GALNTL6: variants seen among roughly 807,000 people sequenced by gnomAD.
The protein encoded by GALNTL6 is polypeptide N-acetylgalactosaminyltransferase-like 6.
Under a neutral mutation model 73.7 loss-of-function variants are expected in GALNTL6, and 46 were observed. That is an observed-to-expected ratio of 0.62 (90% CI 0.49 to 0.80). GALNTL6 has a LOEUF of 0.80. GALNTL6 is among the 30% of genes least tolerant of loss of function. The pLI is 0.00. For synonymous variants in GALNTL6, 259 were observed against 263.7 expected, an observed-to-expected ratio of 0.98 and a Z score of 0.17; for missense variants, 604 against 755.0, an observed-to-expected ratio of 0.80 and a Z score of 2.34.
In GALNTL6 at chr4:171,989,114, A is replaced by G. The variant is rs563272048; in HGVS notation, c.138+174396A>G. Among the ~76,000 whole-genome samples the G allele has an allele frequency of 7.2e-5, 11 of 152,262 alleles. No individual in the cohort carries two copies. In the South Asian group the frequency reaches 8.3e-4, roughly 11 times the overall value. On this transcript the variant is annotated intron_variant, in intron 2 of 12. Transcript: ENST00000506823. The stretch of plus-strand genomic sequence containing the variant: ...TAAGAGGTTTAGAAGCCTGGCCGTC[A>G]ATAGCACAACAGTTATGGAAGCAAG...
At chr4:172,384,013 T>C (rs1743377517) in intron 5 of GALNTL6, among the ~76,000 whole-genome samples, 1 of 152,142 alleles carries the variant, frequency 6.6e-6, no homozygotes, top group African/African-American at 2.4e-5. Flanking sequence ...GGTTTGTTAG[T>C]ATTTTGTTGA....
chr4:172,624,926 T>C lies in GALNTL6; in HGVS notation c.554-184435T>C, dbSNP rs1283587336. On this transcript the variant is annotated intron_variant, in intron 5 of 12. Transcript: ENST00000506823. ...GATCCTGTCACCCAGGTAGTGAGCATAGTATCCAGTAGTAAGTTTTTCAAC... is the reference window on the plus strand; with the variant it reads ...GATCCTGTCACCCAGGTAGTGAGCACAGTATCCAGTAGTAAGTTTTTCAAC... 4.6e-5 allele frequency among the ~76,000 whole-genome samples: 7 copies of C among 151,926 alleles called. No individual in the cohort carries two copies. In the East Asian group the frequency reaches 1.4e-3, roughly 29 times the overall value.
At chr4:172,380,247 C>T (rs1384879590) in intron 5 of GALNTL6, 22 of 890,394 alleles carry the variant, frequency 2.5e-5, no homozygotes, top group Admixed American at 5.2e-5. Flanking sequence ...CCCAACTTGT[C>T]TACATTAGGA....
chr4:172,138,475 G>T (rs1320791805), intron 2 of GALNTL6, among the ~76,000 whole-genome samples: 5 of 30,022 alleles, frequency 1.7e-4, no homozygotes, highest in African/African-American at 5.1e-4. Flanking sequence ...TACTTGGACT[G>T]CCTATATATA....
chr4:172,018,397 G>A (rs1741276994), intron 2 of GALNTL6, among the ~76,000 whole-genome samples: 1 of 152,068 alleles, frequency 6.6e-6, no homozygotes, highest in Non-Finnish European at 1.5e-5. Context: ...CCACTGTAGG[G>A]GTTTAGGGAG....
At chr4:172,716,616 T>C (rs747890200) in intron 5 of GALNTL6, among the ~76,000 whole-genome samples, 1 of 152,262 alleles carries the variant, frequency 6.6e-6, no homozygotes, top group East Asian at 1.9e-4. Context: ...CCACTTTACA[T>C]TGTCACAGAG....
At chr4:172,870,147 G>C (rs1376999855) in intron 7 of GALNTL6, among the ~76,000 whole-genome samples, 1 of 151,886 alleles carries the variant, frequency 6.6e-6, no homozygotes, top group Non-Finnish European at 1.5e-5. Context: ...TTTTCCCTGG[G>C]AACCACAAGA....
At chr4:172,763,316 A>G (rs888903149) in intron 5 of GALNTL6, among the ~76,000 whole-genome samples, 1 of 152,212 alleles carries the variant, frequency 6.6e-6, no homozygotes, top group African/African-American at 2.4e-5. Flanking sequence ...ATTCAGCTAT[A>G]CCTGGCATTT....
At chr4:172,187,792 A>G (rs2110870899) in intron 2 of GALNTL6, among the ~76,000 whole-genome samples, 1 of 152,288 alleles carries the variant, frequency 6.6e-6, no homozygotes, top group East Asian at 1.9e-4. Flanking sequence ...CTTAAAATTT[A>G]GGAGACAAAT....
At chr4:172,008,595 G>A (rs1244633407) in intron 2 of GALNTL6, among the ~76,000 whole-genome samples, 1 of 151,994 alleles carries the variant, frequency 6.6e-6, no homozygotes, top group Non-Finnish European at 1.5e-5. Flanking sequence ...AGAGAAATAG[G>A]GGAGAATCGT....
At chr4:172,950,749 G>C (rs1027271766) in intron 9 of GALNTL6, among the ~76,000 whole-genome samples, 3 of 152,156 alleles carry the variant, frequency 2.0e-5, no homozygotes, top group Admixed American at 1.3e-4. Flanking sequence ...TTTTACTTTA[G>C]TCACCTATGT....
At chr4:172,727,254 A>G (rs1010769534) in intron 5 of GALNTL6, among the ~76,000 whole-genome samples, 22 of 152,208 alleles carry the variant, frequency 1.4e-4, no homozygotes, top group African/African-American at 5.1e-4. Flanking sequence ...GTCATCCAGA[A>G]GTCTTACCTC....
intron 5 of GALNTL6, among the ~76,000 whole-genome samples, chr4:172,383,464 A>G (rs1318396959): frequency 1.3e-5 from 2 of 152,150 alleles, no homozygotes; most frequent in Non-Finnish European, 2.9e-5. Context: ...TGAATTCTGC[A>G]ATCTTGCTGG....
intron 11 of GALNTL6, among the ~76,000 whole-genome samples, chr4:173,009,831 G>T (rs1338037964): frequency 6.6e-6 from 1 of 152,142 alleles, no homozygotes; most frequent in East Asian, 1.9e-4. Context: ...TTAAGGCTAT[G>T]TATTGCTTTT....
rs539116756 is a variant in GALNTL6 at position 171,921,979 on chromosome 4, T to A, written c.138+107261T>A. Among the ~76,000 whole-genome samples, 33 of 152,216 alleles carry A rather than the reference T, an allele frequency of 2.2e-4. No individual in the cohort carries two copies. The South Asian group carries it at 6.8e-3, about 32-fold the overall frequency. ...CTGGGTTAAAATTCTGCATCATTTT[T>A]ATGGTTGTCCAAAAGCTTCTAATTT... On this transcript the variant is annotated intron_variant, in intron 2 of 12. Coordinates refer to ENST00000506823, the MANE Select transcript of GALNTL6 (RefSeq NM_001034845.3).
In GALNTL6 at chr4:172,742,898, G is replaced by T. The variant is rs907755654; in HGVS notation, c.554-66463G>T. Among the ~76,000 whole-genome samples, 24 of 152,100 alleles carry T rather than the reference G, an allele frequency of 1.6e-4. 1 individual carries two copies. The highest frequency in any genetic ancestry group is 1.3e-3 in the Admixed American group (20 of 15,242). ...AGGTAAGAACCAGTACGAGCTCGGG[G>T]TCACCTCCTTACACAGTTTACTGCT... On this transcript the variant is annotated intron_variant, in intron 5 of 12. Coordinates refer to ENST00000506823, the MANE Select transcript of GALNTL6 (RefSeq NM_001034845.3).
intron 8 of GALNTL6, among the ~76,000 whole-genome samples, chr4:172,924,326 C>G (rs947154942): frequency 6.6e-6 from 1 of 152,166 alleles, no homozygotes; most frequent in Non-Finnish European, 1.5e-5. Flanking sequence ...TGAGGATTCC[C>G]GCACTTCCGG....
intron 2 of GALNTL6, among the ~76,000 whole-genome samples, chr4:171,894,135 G>A (rs1208854556): frequency 6.6e-6 from 1 of 152,156 alleles, no homozygotes; most frequent in African/African-American, 2.4e-5. Flanking sequence ...CTGTCACTAA[G>A]AATTGTTCAT....
intron 2 of GALNTL6, among the ~76,000 whole-genome samples, chr4:171,959,781 G>T (rs935198968): frequency 6.6e-6 from 1 of 152,204 alleles, no homozygotes; most frequent in African/African-American, 2.4e-5. Flanking sequence ...GTTGTTCTAC[G>T]TGATGATACC....
Sources: allele counts gnomAD v4.1 joint callset (sites outside exome capture counted in the v4.1 genomes callset), GRCh38; gene constraint gnomAD v4.1.1; transcripts MANE v1.5; gene names NCBI Gene and HGNC (gene_info 2026-07-23, HGNC 2026-07-21).